Variants in SYN1 observed in about 807,000 individuals in gnomAD.
The protein encoded by SYN1 is synapsin I.
SYN1 carries 8 observed loss-of-function variants against 44.6 expected under a neutral mutation model. That is an observed-to-expected ratio of 0.18 (90% CI 0.11 to 0.32). SYN1 has a LOEUF of 0.32. Ranked by LOEUF, SYN1 falls within the 10% of genes least tolerant of loss-of-function variation. The probability of loss-of-function intolerance (pLI) is 1.00; values close to 1 mark genes in which losing one functional copy is unlikely to be tolerated. For synonymous variants in SYN1, 275 were observed against 280.1 expected (o/e 0.98, Z 0.18); for missense variants, 451 against 639.4 (o/e 0.71, Z 3.18).
chrX:47,583,322 G>C, intron 5 of SYN1: 1 of 896,625 alleles, frequency 1.1e-6, no homozygotes, highest in East Asian at 3.3e-5. Flanking sequence ...CCCATAGGCT[G>C]CCCCGGGGCA....
chrX:47,573,832 G>T (rs1347176364), intron 12 of SYN1, among the ~76,000 whole-genome samples, 170 bp downstream of exon 12: 1 of 110,473 alleles, frequency 9.1e-6, no homozygotes, highest in Non-Finnish European at 1.9e-5. Flanking sequence ...CCTCTGGTGG[G>T]CCGGGAGGAG....
intron 5 of SYN1, chrX:47,585,485 T>G (rs2057820263): frequency 2.5e-6 from 3 of 1,194,231 alleles, no homozygotes; most frequent in Non-Finnish European, 2.3e-6. Flanking sequence ...CTTTGGCAGC[T>G]TGGCAGCTCA....
At chrX:47,599,663 C>T (rs1270898669) in intron 5 of SYN1, among the ~76,000 whole-genome samples, 2 of 111,807 alleles carry the variant, frequency 1.8e-5, no homozygotes, top group Non-Finnish European at 3.8e-5. Flanking sequence ...TTTCCAAAGT[C>T]GATATACTAG....
Position 47,574,746 on chromosome X carries a change from G to A in SYN1, c.1335C>T (p.Gly445=), listed in dbSNP as rs2147912475. The A allele has an allele frequency of 8.4e-7, 1 of 1,189,688 alleles. No individual in the cohort carries two copies. The highest frequency in any genetic ancestry group is 1.1e-6 in the Non-Finnish European group (1 of 884,893). The change falls in exon 11 of 13, where the codon GGC becomes GGT. Residue 445 remains glycine, a synonymous_variant. Transcript: ENST00000295987. ...QTPSPGALPL[G]RQTSQQPAGP... is the part of the protein sequence containing the mutation. ...CTGCGGGCTGCTGGGAGGTCTGGCG[G>A]CCCAAGGGCAGGGCCCCTGGGGACG...
At chrX:47,589,212 G>A (rs1422031226) in intron 5 of SYN1, among the ~76,000 whole-genome samples, 6 of 105,089 alleles carry the variant, frequency 5.7e-5, no homozygotes, top group Admixed American at 3.2e-4. Flanking sequence ...CACAAGAATC[G>A]TTTGAACCCA....
Position 47,574,033 on chromosome X carries a change from C to T in SYN1, c.1951G>A (p.Ala651Thr), listed in dbSNP as rs1197604545. 2 of 1,147,469 alleles carry T rather than the reference C, an allele frequency of 1.7e-6. No homozygotes were observed. Among genetic ancestry groups the T allele is most frequent in the South Asian group, 2.0e-5 (1 of 51,250 alleles). The allele number at this position is 1,147,469 out of a possible 1,213,427, so 94.6% of individuals were successfully genotyped here. The change falls in exon 12 of 13, where the codon GCT becomes ACT. Residue 651 changes from alanine (A) to threonine (T), a missense_variant. Ala to Thr is a moderately conservative substitution (Grantham distance 58). Coordinates refer to ENST00000295987, the MANE Select transcript of SYN1 (RefSeq NM_006950.3). ...SQDVPPPATA[A>T]AGGPPHPQLN... ...TGGGGGTGCGGAGGTCCCCCTGCAG[C>T]GGCGGTGGCGGGTGGCGGCACGTCC...
In SYN1 at chrX:47,571,990, G is replaced by C. The variant is rs945364620; in HGVS notation, c.*874C>G. Reference sequence around the variant, plus strand: ...GGTGGGGTGAGTCCAGGCAAGGAGTGAAGGTCAGGGGGAGGTGCGGACCAC... The same window carrying C: ...GGTGGGGTGAGTCCAGGCAAGGAGTCAAGGTCAGGGGGAGGTGCGGACCAC... On this transcript the variant is annotated 3_prime_UTR_variant, in exon 13 of 13. Coordinates refer to ENST00000295987, the MANE Select transcript of SYN1 (RefSeq NM_006950.3). 2 of 147,859 alleles carry C rather than the reference G, an allele frequency of 1.4e-5. No homozygotes were observed. Among genetic ancestry groups the C allele is most frequent in the African/African-American group, 6.3e-5 (2 of 31,751 alleles). The allele number at this position is 147,859 out of a possible 1,213,427, so 12.2% of individuals were successfully genotyped here. A position where few individuals can be genotyped will look rare whatever the true frequency, so the allele number is the denominator to read the frequency against.
chrX:47,601,730 G>A (rs746834965), intron 5 of SYN1, among the ~76,000 whole-genome samples: 1 of 112,266 alleles, frequency 8.9e-6, no homozygotes, highest in East Asian at 2.8e-4. Flanking sequence ...AAACTACAGA[G>A]CAATGTCTCT....
In SYN1 at chrX:47,576,388, C is replaced by T; in HGVS notation, c.999G>A (p.Gly333=). 8.3e-7 allele frequency: 1 copy of T among 1,212,014 alleles called. No homozygotes were observed. Among genetic ancestry groups the T allele is most frequent in the Middle Eastern group, 2.3e-4 (1 of 4,354 alleles). The change falls in exon 8 of 13, where the codon GGG becomes GGA. Residue 333 remains glycine, a synonymous_variant. Transcript: ENST00000295987. ...CAGAGCCAGTATTGGTCTTCCAGTTCCCTGACACTGACGTCCTCCTGGGGG... is the reference window on the plus strand; with the variant it reads ...CAGAGCCAGTATTGGTCTTCCAGTTTCCTGACACTGACGTCCTCCTGGGGG... ...YKAYMRTSVS[G]NWKTNTGSAM... is the part of the protein sequence containing the mutation.
intron 5 of SYN1, chrX:47,586,043 T>A: frequency 1.0e-6 from 1 of 974,143 alleles, no homozygotes. Context: ...CCTCAGCACA[T>A]CTGCTTGTTG....
chrX:47,596,808 G>A (rs1490108924), intron 5 of SYN1, among the ~76,000 whole-genome samples: 1 of 111,997 alleles, frequency 8.9e-6, no homozygotes, highest in African/African-American at 3.2e-5. Context: ...CAACAAAAAT[G>A]TATGAGAGAT....
Position 47,612,346 on chromosome X carries a change from C to T in SYN1, c.378-5148G>A, listed in dbSNP as rs1032528877. ...CATTATAAGCTGGGTCCTGCTGGGC[C>T]CGCCAAATAATAAAGTCAGGTGGGC... On this transcript the variant is annotated intron_variant, in intron 1 of 12. Coordinates refer to ENST00000295987, the MANE Select transcript of SYN1 (RefSeq NM_006950.3). Among the ~76,000 whole-genome samples the T allele has an allele frequency of 3.6e-5, 4 of 110,200 alleles. No homozygotes were observed. In the Admixed American group the frequency reaches 3.9e-4, roughly 11 times the overall value.
intron 1 of SYN1, among the ~76,000 whole-genome samples, chrX:47,608,008 C>T (rs1027417870): frequency 9.4e-6 from 1 of 106,659 alleles, no homozygotes; most frequent in African/African-American, 3.5e-5. Flanking sequence ...CCAGCCTGGG[C>T]AACAAGAGCG....
chrX:47,575,651 A>G, intron 9 of SYN1, among the ~76,000 whole-genome samples: 1 of 112,611 alleles, frequency 8.9e-6, no homozygotes, highest in East Asian at 2.8e-4. Flanking sequence ...ACACAGCCAC[A>G]CTTATTTTTT....
chrX:47,572,654 G>T lies in SYN1; in HGVS notation c.*210C>A. The T allele has an allele frequency of 2.2e-6, 1 of 455,940 alleles. No individual in the cohort carries two copies. Among genetic ancestry groups the T allele is most frequent in the East Asian group, 4.0e-5 (1 of 24,765 alleles). The allele number at this position is 455,940 out of a possible 1,213,427, so 37.6% of individuals were successfully genotyped here. ...AGTGACCACGAGTGGGGTTCTAAAA[G>T]GACTTGGGGATTCCACATGTGAGAA... On this transcript the variant is annotated 3_prime_UTR_variant, in exon 13 of 13. Transcript: ENST00000295987.
chrX:47,605,416 C>G (rs200737604), intron 3 of SYN1, 37 bp from the exon 4 acceptor site: 6 of 1,199,321 alleles, frequency 5.0e-6, no homozygotes, highest in South Asian at 1.8e-5. Flanking sequence ...AGAGTTCCCC[C>G]AGAAGCTCCC....
At position 47,572,857 on chromosome X, in the gene SYN1, T is replaced by C; in HGVS notation, c.*7A>G. Reference sequence around the variant, plus strand: ...CCCAGGGATTTTGGGGTTCTCAGAGTGGGGTATCAGTCGGAGAAGAGGCTG... The same window carrying C: ...CCCAGGGATTTTGGGGTTCTCAGAGCGGGGTATCAGTCGGAGAAGAGGCTG... On this transcript the variant is annotated 3_prime_UTR_variant, in exon 13 of 13. Transcript: ENST00000295987. 1 of 1,209,809 alleles carries C rather than the reference T, an allele frequency of 8.3e-7. No individual in the cohort carries two copies. The highest frequency in any genetic ancestry group is 1.1e-6 in the Non-Finnish European group (1 of 894,841).
Position 47,574,263 on chromosome X carries a change from G to A in SYN1, c.1721C>T (p.Pro574Leu). The A allele has an allele frequency of 1.8e-6, 2 of 1,104,814 alleles. No individual in the cohort carries two copies. The highest frequency in any genetic ancestry group is 3.8e-5 in the African/African-American group (2 of 52,604). 91.0% of individuals were successfully genotyped at this position (1,104,814 alleles called of 1,213,427 possible). ...TRQTSVSGPA[P>L]PKASGAPPGG... ...CGGTGGGGCCCCAGAGGCCTTTGGC[G>A]GAGCCGGGCCAGAGACGGATGTCTG... The change falls in exon 12 of 13, where the codon CCG (proline) becomes CTG (leucine). Residue 574 changes from proline to leucine, a missense_variant. Coordinates refer to ENST00000295987, the MANE Select transcript of SYN1 (RefSeq NM_006950.3).
intron 5 of SYN1, among the ~76,000 whole-genome samples, chrX:47,580,325 G>A (rs1160493669): frequency 9.3e-6 from 1 of 107,683 alleles, no homozygotes; most frequent in Non-Finnish European, 1.9e-5. Flanking sequence ...GCCCGGCCAA[G>A]TGCTTTCTTA....
Sources: gnomAD v4.1 joint callset for allele counts (sites outside exome capture counted in the v4.1 genomes callset) on GRCh38, gnomAD v4.1.1 for gene constraint, MANE v1.5 for transcripts, NCBI Gene and HGNC (gene_info 2026-07-23, HGNC 2026-07-21) for gene names.